The following LSAMP variants were observed in gnomAD, a reference collection of about 807,000 sequenced individuals.
LSAMP encodes the protein limbic system-associated membrane protein.
In LSAMP, 7 loss-of-function variants were observed where a neutral mutation model predicts 38.6. That is an observed-to-expected ratio of 0.18 (90% CI 0.10 to 0.34). The LOEUF (loss-of-function observed/expected upper bound fraction) is 0.34. Ranked by LOEUF, LSAMP falls within the 10% of genes least tolerant of loss-of-function variation. The pLI is 1.00. For missense variants in LSAMP, 313 were observed against 420.0 expected, an observed-to-expected ratio of 0.75 and a Z score of 2.23; for synonymous variants, 154 against 166.8, an observed-to-expected ratio of 0.92 and a Z score of 0.59.
At chr3:116,191,671 T>A (rs1710758067) in intron 1 of LSAMP, among the ~76,000 whole-genome samples, 1 of 151,684 alleles carries the variant, frequency 6.6e-6, no homozygotes, top group Non-Finnish European at 1.5e-5. Context: ...AGCTCTTCTG[T>A]CTTGAATCAG....
intron 3 of LSAMP, among the ~76,000 whole-genome samples, chr3:115,869,319 A>G (rs979312137): frequency 6.6e-6 from 1 of 151,680 alleles, no homozygotes; most frequent in Admixed American, 6.6e-5. Context: ...TGAGAGAGAG[A>G]GACTGCCTAC....
intron 1 of LSAMP, among the ~76,000 whole-genome samples, chr3:116,333,488 C>T (rs551108803): frequency 5.9e-4 from 87 of 148,084 alleles, no homozygotes; most frequent in Non-Finnish European, 9.8e-4. Flanking sequence ...GAGCAAGGAT[C>T]GTGCCACTGC....
chr3:115,826,868 A>G (rs1415006632), intron 6 of LSAMP, among the ~76,000 whole-genome samples: 1 of 152,130 alleles, frequency 6.6e-6, no homozygotes, highest in Non-Finnish European at 1.5e-5. Flanking sequence ...ATCTAAATAC[A>G]GAAAAAAAAT....
At chr3:116,434,985 A>C (rs2049331298) in intron 1 of LSAMP, among the ~76,000 whole-genome samples, 1 of 152,180 alleles carries the variant, frequency 6.6e-6, no homozygotes, top group African/African-American at 2.4e-5. Flanking sequence ...TGGAAGTTCT[A>C]AGTAGACTGA....
At chr3:116,336,964 ATG>A (rs926908896) in intron 1 of LSAMP, among the ~76,000 whole-genome samples, 1 of 151,540 alleles carries the variant, frequency 6.6e-6, no homozygotes, top group Non-Finnish European at 1.5e-5. Flanking sequence ...ACATATATAT[ATG>A]TGTGTGTGTA....
At chr3:116,181,052 C>T (rs1194337049) in intron 1 of LSAMP, among the ~76,000 whole-genome samples, 1 of 151,968 alleles carries the variant, frequency 6.6e-6, no homozygotes, top group East Asian at 1.9e-4. Flanking sequence ...ATTAGTTTTG[C>T]CCTGTATGTA....
intron 1 of LSAMP, among the ~76,000 whole-genome samples, chr3:116,161,729 AG>A (rs1326506125): frequency 2.0e-5 from 3 of 152,132 alleles, no homozygotes; most frequent in Non-Finnish European, 4.4e-5. Flanking sequence ...TCTAAATCAA[AG>A]CATCAATATG....
At position 116,445,035 on chromosome 3, in the gene LSAMP, G is replaced by A. The variant is rs760521768; in HGVS notation, c.-4C>T. Reference sequence around the variant, plus strand: ...CCGGCTGAACTCTCCTGACCATGGTGGCCACGCCGAGGTGCGGGTCCGCGG... The same window carrying A: ...CCGGCTGAACTCTCCTGACCATGGTAGCCACGCCGAGGTGCGGGTCCGCGG... On this transcript the variant is annotated 5_prime_UTR_variant, in exon 1 of 7. Coordinates refer to ENST00000490035, the MANE Select transcript of LSAMP (RefSeq NM_002338.5). 1.9e-6 allele frequency: 3 copies of A among 1,609,392 alleles called. No individual in the cohort carries two copies. The South Asian group carries it at 3.3e-5, about 18-fold the overall frequency.
At position 115,803,451 on chromosome 3, in the gene LSAMP, A is replaced by G. The variant is rs1933562506; in HGVS notation, c.*6866T>C. ...GGACAAGAGGATCTGTGCTCAATGC[A>G]TCTAGAACATGGCACAAGAAAATAA... is the stretch of plus-strand genomic sequence containing the variant. On this transcript the variant is annotated 3_prime_UTR_variant, in exon 7 of 7. Coordinates refer to ENST00000490035, the MANE Select transcript of LSAMP (RefSeq NM_002338.5). 1 of 152,218 alleles carries G rather than the reference A, an allele frequency of 6.6e-6. No individual in the cohort carries two copies. The highest frequency in any genetic ancestry group is 6.5e-5 in the Admixed American group (1 of 15,280). The allele number at this position is 152,218 out of a possible 1,614,324, so 9.4% of individuals were successfully genotyped here.
At chr3:115,967,676 T>G (rs1938864282) in intron 3 of LSAMP, among the ~76,000 whole-genome samples, 2 of 152,134 alleles carry the variant, frequency 1.3e-5, no homozygotes, top group Admixed American at 1.3e-4. Flanking sequence ...GGCCTCACAA[T>G]CATGGTGGAA....
At chr3:115,965,176 T>C (rs4831214) in intron 3 of LSAMP, among the ~76,000 whole-genome samples, 21,636 of 151,970 alleles carry the variant, frequency 0.14, 1,843 homozygotes, top group Non-Finnish European at 0.2. Flanking sequence ...ACAAAGAAAG[T>C]ATAAATAGAC....
intron 3 of LSAMP, among the ~76,000 whole-genome samples, chr3:115,929,537 G>A (rs983282989): frequency 2.6e-5 from 4 of 152,062 alleles, no homozygotes; most frequent in Middle Eastern, 3.4e-3. Context: ...TGAGCAGGCA[G>A]GTGAAAATAC....
chr3:116,095,412 A>G (rs747933740), intron 1 of LSAMP, among the ~76,000 whole-genome samples: 2 of 152,340 alleles, frequency 1.3e-5, no homozygotes, highest in Non-Finnish European at 2.9e-5. Context: ...GCATGACTAC[A>G]TTTCAGAATC....
intron 1 of LSAMP, among the ~76,000 whole-genome samples, chr3:116,366,120 C>T (rs2107784616): frequency 6.7e-6 from 1 of 149,278 alleles, no homozygotes; most frequent in East Asian, 2.0e-4. Context: ...GCAGTCTATC[C>T]ATCTCACAAA....
At chr3:116,396,446 A>G (rs1469196708) in intron 1 of LSAMP, among the ~76,000 whole-genome samples, 2 of 152,050 alleles carry the variant, frequency 1.3e-5, no homozygotes, top group Non-Finnish European at 2.9e-5. Context: ...CTGGATATCT[A>G]TCTCCCATCT....
At position 116,190,088 on chromosome 3, in the gene LSAMP, G is replaced by GACACACACACACACACAC. The variant is rs3071108; in HGVS notation, c.156-103550_156-103533dup. Among the ~76,000 whole-genome samples, 1,090 of 142,712 alleles carry GACACACACACACACACAC rather than the reference G, an allele frequency of 7.6e-3. 8 individuals carry two copies. Among genetic ancestry groups the GACACACACACACACACAC allele is most frequent in the African/African-American group, 9.3e-3 (338 of 36,292 alleles). The allele number at this position is 142,712 out of a possible 152,430, so 93.6% of individuals were successfully genotyped here. A position where few individuals can be genotyped will look rare whatever the true frequency, so the allele number is the denominator to read the frequency against. ...ACTATGAGCCTCAGGTCCAGTAGTA[G>GACACACACACACACACAC]ACACACACACACACACACACACACA... is the stretch of plus-strand genomic sequence containing the variant. On this transcript the variant is annotated intron_variant, in intron 1 of 6. Coordinates refer to ENST00000490035, the MANE Select transcript of LSAMP (RefSeq NM_002338.5).
chr3:115,961,568 G>A (rs1273440874), intron 3 of LSAMP, among the ~76,000 whole-genome samples: 3 of 152,216 alleles, frequency 2.0e-5, no homozygotes, highest in East Asian at 1.9e-4. Flanking sequence ...AAGGGCATAA[G>A]CCTCTGGCAC....
rs569940162 is a variant in LSAMP at position 116,358,410 on chromosome 3, T to C, written c.155+86467A>G. Reference sequence around the variant, plus strand: ...ATATAGGGGAGTTGCTGGATGACAATAGTCTAGATGCCTTGGGAACACTGC... The same window carrying C: ...ATATAGGGGAGTTGCTGGATGACAACAGTCTAGATGCCTTGGGAACACTGC... On this transcript the variant is annotated intron_variant, in intron 1 of 6. Coordinates refer to ENST00000490035, the MANE Select transcript of LSAMP (RefSeq NM_002338.5). Among the ~76,000 whole-genome samples, 11 of 152,166 alleles carry C rather than the reference T, an allele frequency of 7.2e-5. No homozygotes were observed. The South Asian group carries it at 1.0e-3, about 14-fold the overall frequency.
intron 4 of LSAMP, 90 bp downstream of exon 4, chr3:115,852,393 A>G: frequency 1.4e-6 from 2 of 1,425,120 alleles, no homozygotes; most frequent in Non-Finnish European, 1.9e-6. Flanking sequence ...TTGAAATACA[A>G]TGTTCTTTTG....
Sources: gnomAD v4.1 joint callset for allele counts (sites outside exome capture counted in the v4.1 genomes callset) on GRCh38, gnomAD v4.1.1 for gene constraint, MANE v1.5 for transcripts, NCBI Gene and HGNC (gene_info 2026-07-23, HGNC 2026-07-21) for gene names.